Variants in HMGXB3 observed in about 807,000 individuals in gnomAD.
The protein encoded by HMGXB3 is HMG domain-containing protein 3.
Under a neutral mutation model 121.5 loss-of-function variants are expected in HMGXB3, and 45 were observed. The ratio of observed to expected loss-of-function variants is 0.37; its 90% CI spans 0.29 to 0.47. The LOEUF (loss-of-function observed/expected upper bound fraction) is 0.47, where lower values mean the gene tolerates loss of function less well. Among genes scored for constraint, HMGXB3 ranks in the 20% least tolerant of loss-of-function variants. The pLI, the probability that HMGXB3 is intolerant of heterozygous loss-of-function variation, is 0.99. For missense variants in HMGXB3, 1,376 were observed against 1,602.2 expected (o/e 0.86, Z 2.41); for synonymous variants, 590 against 624.1 (o/e 0.95, Z 0.81).
At chr5:150,048,741 T>C (rs894896848) in intron 18 of HMGXB3, 56 bp downstream of exon 18, 2 of 1,232,880 alleles carry the variant, frequency 1.6e-6, no homozygotes, top group African/African-American at 3.0e-5. Flanking sequence ...GAACTTCCCA[T>C]ACAGGGACTG....
intron 14 of HMGXB3, 109 bp downstream of exon 14, chr5:150,040,988 T>C (rs1198367421): frequency 9.2e-7 from 1 of 1,085,410 alleles, no homozygotes; most frequent in African/African-American, 1.6e-5. Flanking sequence ...CTGATTATTT[T>C]GAAAAGGAGA....
intron 19 of HMGXB3, among the ~76,000 whole-genome samples, 184 bp from the exon 20 acceptor site, chr5:150,051,541 T>TA (rs1363143285): frequency 2.0e-5 from 3 of 152,170 alleles, no homozygotes; most frequent in Admixed American, 2.0e-4. Context: ...TGGCCACTGT[T>TA]ACTGTCCCTG....
chr5:150,029,452 T>G (rs1756322017), intron 9 of HMGXB3, among the ~76,000 whole-genome samples: 1 of 152,018 alleles, frequency 6.6e-6, no homozygotes, highest in Non-Finnish European at 1.5e-5. Context: ...TATAAAAGGA[T>G]CTCTCAAAAT....
rs1270055781 is a variant in HMGXB3 at position 150,027,120 on chromosome 5, A to G, written c.1734+3A>G. 1 of 1,550,176 alleles carries G rather than the reference A, an allele frequency of 6.5e-7. No individual in the cohort carries two copies. Among genetic ancestry groups the G allele is most frequent in the East Asian group, 2.4e-5 (1 of 40,910 alleles). Reference sequence around the variant, plus strand: ...CATCTGGCCCTGGTGAGGTGAAGGTAAGGCCCATTTTCCAGAGTGGGAGCT... The same window carrying G: ...CATCTGGCCCTGGTGAGGTGAAGGTGAGGCCCATTTTCCAGAGTGGGAGCT... On this transcript the variant is annotated splice_donor_region_variant and intron_variant, in intron 9 of 19. Transcript: ENST00000502717.
intron 6 of HMGXB3, chr5:150,021,572 C>A: frequency 2.5e-6 from 1 of 401,570 alleles, no homozygotes; most frequent in African/African-American, 2.1e-5. Flanking sequence ...TTGACTTAAG[C>A]ATCTGCAGTG....
rs563062820 is a variant in HMGXB3 at position 150,046,775 on chromosome 5, G to C, written c.2951-849G>C. Among the ~76,000 whole-genome samples, 277 of 152,020 alleles carry C rather than the reference G, an allele frequency of 1.8e-3. 1 individual carries two copies. The highest frequency in any genetic ancestry group is 6.4e-3 in the African/African-American group (266 of 41,518). ...TGCAGTGAGCCGAGATCGCGCCACT[G>C]CACTCCAGCCTGGGCGACAGAGCGA... On this transcript the variant is annotated intron_variant, in intron 16 of 19. Transcript: ENST00000502717.
chr5:150,046,012 G>T (rs555583123), intron 16 of HMGXB3, among the ~76,000 whole-genome samples: 1 of 152,080 alleles, frequency 6.6e-6, no homozygotes, highest in Admixed American at 6.5e-5. Context: ...AAGTGTAGGG[G>T]CAGGCCAAGG....
intron 19 of HMGXB3, 29 bp from the exon 20 acceptor site, chr5:150,051,696 A>G (rs216132): frequency 0.78 from 1,145,866 of 1,474,416 alleles, 447,535 homozygotes; most frequent in African/African-American, 0.96. Context: ...ATTCCTTCTT[A>G]TCAAAATGCA....
At chr5:150,032,672 A>G in intron 11 of HMGXB3, 69 bp downstream of exon 11, 11 of 1,502,158 alleles carry the variant, frequency 7.3e-6, no homozygotes, top group Non-Finnish European at 9.9e-6. Context: ...GTCTTAGTAG[A>G]AATAAGAAGA....
At chr5:150,021,618 G>A (rs563732480) in intron 6 of HMGXB3, 12 of 512,678 alleles carry the variant, frequency 2.3e-5, no homozygotes, top group South Asian at 1.8e-4. Context: ...CAGTACTGAT[G>A]GAAGTAATTT....
chr5:150,045,038 G>T (rs983343241), intron 15 of HMGXB3, among the ~76,000 whole-genome samples: 1 of 152,148 alleles, frequency 6.6e-6, no homozygotes, highest in African/African-American at 2.4e-5. Context: ...AAGGGTTTGG[G>T]CTTTGGAACT....
intron 2 of HMGXB3, among the ~76,000 whole-genome samples, 188 bp from the exon 3 acceptor site, chr5:150,006,285 C>T (rs1755699420): frequency 6.6e-6 from 1 of 151,970 alleles, no homozygotes. Flanking sequence ...ACTTTCAGTC[C>T]CTATTTAGAT....
At chr5:150,014,538 A>G (rs895055750) in intron 5 of HMGXB3, among the ~76,000 whole-genome samples, 3 of 152,212 alleles carry the variant, frequency 2.0e-5, no homozygotes, top group Admixed American at 1.3e-4. Flanking sequence ...AAACAGTTCA[A>G]CTTACTGCCC....
At chr5:150,036,423 G>C (rs1756502481) in intron 11 of HMGXB3, among the ~76,000 whole-genome samples, 1 of 152,032 alleles carries the variant, frequency 6.6e-6, no homozygotes, top group African/African-American at 2.4e-5. Context: ...TTGGATTGGG[G>C]TGCTCAACCT....
Position 150,052,041 on chromosome 5 carries a change from T to C in HMGXB3, c.3728T>C (p.Ile1243Thr). The change falls in exon 20 of 20, where the codon ATT becomes ACT. Residue 1243 changes from isoleucine to threonine, a missense_variant. This residue lies in a region of HMGXB3 where 260 missense variants were observed against 233.2 expected (regional missense o/e 1.11). Transcript: ENST00000502717. ...ATGGACTTCCTCACCAGCCGCGAAATTGTCAATCGTCAGATCCATGACATT... is the reference window on the plus strand; with the variant it reads ...ATGGACTTCCTCACCAGCCGCGAAACTGTCAATCGTCAGATCCATGACATT... ...RLMDFLTSRE[I>T]VNRQIHDIVQ... is the part of the protein sequence containing the mutation. 6.4e-7 allele frequency: 1 copy of C among 1,552,008 alleles called. No individual in the cohort carries two copies. The highest frequency in any genetic ancestry group is 8.7e-7 in the Non-Finnish European group (1 of 1,147,056).
At chr5:150,023,893 T>C (rs1487877000) in intron 6 of HMGXB3, among the ~76,000 whole-genome samples, 1 of 152,256 alleles carries the variant, frequency 6.6e-6, no homozygotes, top group African/African-American at 2.4e-5. Context: ...TTTTAGGCCC[T>C]GTATGGCAGT....
intron 10 of HMGXB3, among the ~76,000 whole-genome samples, chr5:150,031,853 G>C (rs1271987414): frequency 6.6e-6 from 1 of 152,124 alleles, no homozygotes; most frequent in Non-Finnish European, 1.5e-5. Flanking sequence ...TCCATAAGGA[G>C]AATGTGTCTC....
At position 150,032,621 on chromosome 5, in the gene HMGXB3, A is replaced by C. The variant is rs777106802; in HGVS notation, c.1983+18A>C. 6.4e-7 allele frequency: 1 copy of C among 1,552,112 alleles called. No homozygotes were observed. The highest frequency in any genetic ancestry group is 8.7e-7 in the Non-Finnish European group (1 of 1,146,988). The stretch of plus-strand genomic sequence containing the variant: ...AGGCTATCGTGAGTTCCTTCCCCCA[A>C]ACACATCCCCTGGCCTGTTCTGGGC... On this transcript the variant is annotated intron_variant, in intron 11 of 19. Transcript: ENST00000502717.
rs543671390 is a variant in HMGXB3, at chr5:150,007,304, T to A, written c.312+657T>A. Among the ~76,000 whole-genome samples the A allele has an allele frequency of 5.3e-5, 8 of 152,380 alleles. No individual in the cohort carries two copies. The South Asian group carries it at 1.7e-3, about 32-fold the overall frequency. Reference sequence around the variant, plus strand: ...AGTAACAAAATACACTGACAGCTATTTAAACTGCTGGGTTTTTGTTTTTTT... The same window carrying A: ...AGTAACAAAATACACTGACAGCTATATAAACTGCTGGGTTTTTGTTTTTTT... On this transcript the variant is annotated intron_variant, in intron 3 of 19. Transcript: ENST00000502717.
Sources: allele counts gnomAD v4.1 joint callset (sites outside exome capture counted in the v4.1 genomes callset), GRCh38; gene constraint gnomAD v4.1.1; regional missense constraint gnomAD v4.1.1; transcripts MANE v1.5; gene names NCBI Gene and HGNC (gene_info 2026-07-23, HGNC 2026-07-21).